RELCH: variants seen among roughly 807,000 people sequenced by gnomAD.
The protein encoded by RELCH is RAB11 binding and LisH domain, coiled-coil and HEAT repeat containing.
A neutral mutation model predicts 150.3 loss-of-function variants in RELCH; 41 were observed. The observed-to-expected ratio is 0.27, with a 90% CI of 0.21 to 0.35. The LOEUF (loss-of-function observed/expected upper bound fraction) is 0.35, where lower values mean the gene tolerates loss of function less well. Among genes scored for constraint, RELCH ranks in the 10% least tolerant of loss-of-function variants. The pLI, the probability that RELCH is intolerant of heterozygous loss-of-function variation, is 1.00. For synonymous variants in RELCH, 478 were observed against 531.8 expected (o/e 0.90, Z 1.39); for missense variants, 1,092 against 1,467.8 (o/e 0.74, Z 4.18).
chr18:62,248,556 C>T (rs2148517320), intron 11 of RELCH, among the ~76,000 whole-genome samples: 1 of 152,276 alleles, frequency 6.6e-6, no homozygotes, highest in Non-Finnish European at 1.5e-5. Context: ...ACTTCTAATT[C>T]ACATACTGCT....
intron 11 of RELCH, among the ~76,000 whole-genome samples, chr18:62,248,837 T>C (rs948581049): frequency 1.3e-5 from 2 of 152,048 alleles, no homozygotes; most frequent in African/African-American, 4.8e-5. Flanking sequence ...CTACTCAGAG[T>C]GATGAGGAGG....
chr18:62,189,901 T>C (rs1157403016), intron 1 of RELCH, among the ~76,000 whole-genome samples: 4 of 152,256 alleles, frequency 2.6e-5, no homozygotes, highest in Admixed American at 2.6e-4. Flanking sequence ...TGCTTTTCTA[T>C]TATCCTCATT....
rs1169807729 is a variant in RELCH at position 62,308,390 on chromosome 18, TAAAG to T, written c.*2861_*2864del. 6.6e-6 allele frequency: 1 copy of T among 152,224 alleles called. No individual in the cohort carries two copies. Among genetic ancestry groups the T allele is most frequent in the Admixed American group, 6.5e-5 (1 of 15,274 alleles). 9.4% of individuals were successfully genotyped at this position (152,224 alleles called of 1,614,324 possible). A position where few individuals can be genotyped will look rare whatever the true frequency, so the allele number is the denominator to read the frequency against. The stretch of plus-strand genomic sequence containing the variant: ...GATTGTACTAATTTTTTCAGTTCAT[TAAAG>T]AAAGTTACACTTTAGCTCTTCAATG... On this transcript the variant is annotated 3_prime_UTR_variant, in exon 29 of 29. Coordinates refer to ENST00000644646, the MANE Select transcript of RELCH (RefSeq NM_001346231.2).
chr18:62,277,664 A>C lies in RELCH; in HGVS notation c.2968-2110A>C, dbSNP rs17069701. ...ACCAGGAACCTAATAGGGTATGGTC[A>C]CTGAAATTCACTAATAAATTGAGTT... On this transcript the variant is annotated intron_variant, in intron 22 of 28. Coordinates refer to ENST00000644646, the MANE Select transcript of RELCH (RefSeq NM_001346231.2). The C allele has an allele frequency of 0.011, 10,589 of 976,874 alleles. 260 individuals are homozygous for C. The East Asian group carries it at 0.18, about 16-fold the overall frequency. 60.5% of individuals were successfully genotyped at this position (976,874 alleles called of 1,614,324 possible). A position where few individuals can be genotyped will look rare whatever the true frequency, so the allele number is the denominator to read the frequency against.
intron 2 of RELCH, 150 bp downstream of exon 2, chr18:62,211,392 T>G: frequency 2.0e-6 from 1 of 505,930 alleles, no homozygotes; most frequent in Admixed American, 3.8e-5. Context: ...ACTAATTTAC[T>G]GCAAGTTTGG....
rs1457359315 is a variant in RELCH at position 62,263,980 on chromosome 18, T to C, written c.2351-9T>C. 6.2e-7 allele frequency: 1 copy of C among 1,602,856 alleles called. No individual in the cohort carries two copies. Among genetic ancestry groups the C allele is most frequent in the East Asian group, 2.3e-5 (1 of 43,814 alleles). Reference sequence around the variant, plus strand: ...TCCATATGATTTATTTTGCTTCTTTTATGTGTAGTGACTAGGTTTCCTCGG... The same window carrying C: ...TCCATATGATTTATTTTGCTTCTTTCATGTGTAGTGACTAGGTTTCCTCGG... On this transcript the variant is annotated splice_polypyrimidine_tract_variant and intron_variant, in intron 16 of 28. Coordinates refer to ENST00000644646, the MANE Select transcript of RELCH (RefSeq NM_001346231.2).
At position 62,264,090 on chromosome 18, in the gene RELCH, C is replaced by T; in HGVS notation, c.2452C>T (p.Leu818=). 6.2e-7 allele frequency: 1 copy of T among 1,605,378 alleles called. No individual in the cohort carries two copies. Among genetic ancestry groups the T allele is most frequent in the Non-Finnish European group, 8.5e-7 (1 of 1,176,660 alleles). Residue 818 remains leucine, a synonymous_variant, in exon 17 of 29, where the codon CTA becomes TTA. Transcript: ENST00000644646. ...AVLLQLYDYQ[L]EQEGTTGWES... ...GCTGCTGCAACTTTATGACTACCAG[C>T]TAGAACAAGAGGGTACAACAGGCTG...
chr18:62,206,627 T>C (rs565253781), intron 1 of RELCH, among the ~76,000 whole-genome samples: 2 of 152,340 alleles, frequency 1.3e-5, no homozygotes, highest in African/African-American at 4.8e-5. Context: ...AAGTAACAAT[T>C]TAACAGAGGG....
chr18:62,241,424 A>G (rs911292529), intron 10 of RELCH, among the ~76,000 whole-genome samples: 1 of 152,172 alleles, frequency 6.6e-6, no homozygotes, highest in Admixed American at 6.6e-5. Context: ...CTTAATAAAA[A>G]GAAAGAAATG....
chr18:62,202,238 C>T (rs1328222170), intron 1 of RELCH, among the ~76,000 whole-genome samples: 1 of 152,174 alleles, frequency 6.6e-6, no homozygotes, highest in African/African-American at 2.4e-5. Context: ...TTTTCCCAAA[C>T]TCTTCTTGTA....
chr18:62,232,251 G>T (rs1175898700), intron 9 of RELCH, 81 bp from the exon 10 acceptor site: 25 of 798,836 alleles, frequency 3.1e-5, no homozygotes, highest in East Asian at 2.5e-5. Flanking sequence ...GAGGTATCAG[G>T]GCCTAAAGAA....
chr18:62,272,107 A>G (rs2043935011), intron 20 of RELCH, among the ~76,000 whole-genome samples: 2 of 152,064 alleles, frequency 1.3e-5, no homozygotes, highest in South Asian at 4.2e-4. Flanking sequence ...TCTTTTCTAC[A>G]CTAGTTTCTA....
chr18:62,212,899 G>A (rs1192714029), intron 2 of RELCH, among the ~76,000 whole-genome samples: 1 of 152,070 alleles, frequency 6.6e-6, no homozygotes, highest in Non-Finnish European at 1.5e-5. Flanking sequence ...TGTTATATGA[G>A]TTAGAAAAAA....
chr18:62,216,903 G>T (rs907395863), intron 2 of RELCH, among the ~76,000 whole-genome samples: 5 of 151,872 alleles, frequency 3.3e-5, no homozygotes, highest in South Asian at 2.1e-4. Context: ...CCTATTAGCA[G>T]TACATTTTGA....
At chr18:62,265,237 C>T (rs1389621860) in intron 18 of RELCH, among the ~76,000 whole-genome samples, 1 of 152,010 alleles carries the variant, frequency 6.6e-6, no homozygotes, top group Non-Finnish European at 1.5e-5. Context: ...TGGTAAAAAC[C>T]TCAAGCGATT....
chr18:62,206,445 G>A (rs1330665074), intron 1 of RELCH, among the ~76,000 whole-genome samples: 3 of 152,204 alleles, frequency 2.0e-5, no homozygotes, highest in East Asian at 3.8e-4. Context: ...TATTTGAAGA[G>A]TCAACCATCT....
intron 10 of RELCH, among the ~76,000 whole-genome samples, chr18:62,243,260 C>G (rs1206433621): frequency 6.6e-6 from 1 of 151,976 alleles, no homozygotes; most frequent in Non-Finnish European, 1.5e-5. Flanking sequence ...AAATTTCCAG[C>G]CAGACAGAAT....
chr18:62,255,255 G>A (rs1340081733), intron 12 of RELCH, 152 bp from the exon 13 acceptor site: 14 of 645,288 alleles, frequency 2.2e-5, no homozygotes, highest in East Asian at 8.5e-5. Context: ...CCTCATTCCC[G>A]ATCCAGGTAT....
chr18:62,247,480 A>G (rs2148512640), intron 11 of RELCH: 1 of 152,312 alleles, frequency 6.6e-6, no homozygotes, highest in South Asian at 2.1e-4. Flanking sequence ...TTTCAAATTT[A>G]TGTTGAAGAC....
Sources: gnomAD v4.1 joint callset for allele counts (sites outside exome capture counted in the v4.1 genomes callset) on GRCh38, gnomAD v4.1.1 for gene constraint, MANE v1.5 for transcripts, NCBI Gene and HGNC (gene_info 2026-07-23, HGNC 2026-07-21) for gene names.